Variants in SNTG2 observed in about 807,000 individuals in gnomAD.
The protein encoded by SNTG2 is syntrophin gamma 2, also known as gamma-2-syntrophin.
Under a neutral mutation model 70.9 loss-of-function variants are expected in SNTG2, and 74 were observed. The observed-to-expected ratio is 1.04, with a 90% CI of 0.86 to 1.27. The LOEUF is 1.27. Among genes scored for constraint, SNTG2 ranks in the 50% most tolerant of loss-of-function variants. The probability of loss-of-function intolerance (pLI) is 0.00; values close to 1 mark genes in which losing one functional copy is unlikely to be tolerated. For missense variants in SNTG2, 717 were observed against 690.7 expected (o/e 1.04, Z -0.43); for synonymous variants, 278 against 273.8 (o/e 1.02, Z -0.15).
At chr2:1,222,037 GTC>G (rs1280796799) in intron 9 of SNTG2, among the ~76,000 whole-genome samples, 184 of 3,972 alleles carry the variant, frequency 0.046, 68 homozygotes, top group African/African-American at 0.14. Context: ...GCCTATCTCT[GTC>G]TCTCTCTGTC....
At chr2:1,114,029 A>G (rs1391148932) in intron 4 of SNTG2, among the ~76,000 whole-genome samples, 1 of 151,350 alleles carries the variant, frequency 6.6e-6, no homozygotes, top group Non-Finnish European at 1.5e-5. Flanking sequence ...TTTGAGGAGG[A>G]TCGTGTGTAC....
intron 2 of SNTG2, among the ~76,000 whole-genome samples, chr2:1,084,785 A>G (rs1010511753): frequency 6.6e-6 from 1 of 152,162 alleles, no homozygotes; most frequent in African/African-American, 2.4e-5. Context: ...CAGCGCCTTG[A>G]ATGCTGCATC....
intron 15 of SNTG2, 35 bp downstream of exon 15, chr2:1,308,621 T>C: frequency 1.3e-6 from 2 of 1,505,764 alleles, no homozygotes; most frequent in Non-Finnish European, 1.8e-6. Context: ...GCCGCCCCAT[T>C]GCCATGTGCT....
intron 9 of SNTG2, among the ~76,000 whole-genome samples, chr2:1,224,592 G>A (rs1230448213): frequency 1.3e-5 from 2 of 152,220 alleles, no homozygotes; most frequent in East Asian, 1.9e-4. Context: ...CGTGCCCAGC[G>A]TGGGAGGAGG....
At chr2:1,043,014 A>G (rs1415707874) in intron 1 of SNTG2, among the ~76,000 whole-genome samples, 1 of 152,132 alleles carries the variant, frequency 6.6e-6, no homozygotes, top group East Asian at 1.9e-4. Flanking sequence ...CCTTTCCTCT[A>G]CAACTTTGCT....
At chr2:1,183,179 T>C (rs1672029511) in intron 8 of SNTG2, among the ~76,000 whole-genome samples, 1 of 152,232 alleles carries the variant, frequency 6.6e-6, no homozygotes, top group African/African-American at 2.4e-5. Context: ...TATGCAGCAG[T>C]AGACTTTTTT....
chr2:1,340,461 T>C (rs1463498498), intron 16 of SNTG2, among the ~76,000 whole-genome samples: 1 of 152,242 alleles, frequency 6.6e-6, no homozygotes, highest in East Asian at 1.9e-4. Context: ...TTCCAGGTTC[T>C]GTAGAGCTGG....
chr2:1,138,912 G>A (rs370123364), intron 6 of SNTG2, among the ~76,000 whole-genome samples: 28 of 152,288 alleles, frequency 1.8e-4, no homozygotes, highest in African/African-American at 6.5e-4. Flanking sequence ...GCAGGCACAC[G>A]CAGCAGTCTG....
At chr2:1,331,450 G>A (rs947216413) in intron 16 of SNTG2, among the ~76,000 whole-genome samples, 2 of 152,208 alleles carry the variant, frequency 1.3e-5, no homozygotes, top group Admixed American at 6.5e-5. Flanking sequence ...CAACTATCCG[G>A]GGGTGGGGAA....
chr2:1,265,400 A>G (rs962585250), intron 13 of SNTG2, among the ~76,000 whole-genome samples: 3 of 150,584 alleles, frequency 2.0e-5, no homozygotes, highest in Non-Finnish European at 4.4e-5. Context: ...TCATGTGTGC[A>G]CACACATTCT....
chr2:1,022,173 G>T (rs575238531), intron 1 of SNTG2, among the ~76,000 whole-genome samples: 6 of 152,000 alleles, frequency 3.9e-5, no homozygotes, highest in Non-Finnish European at 5.9e-5. Context: ...GCATTTATCC[G>T]AAGGAAAGGA....
At chr2:1,114,177 GT>G (rs1325714970) in intron 4 of SNTG2, among the ~76,000 whole-genome samples, 1 of 142,392 alleles carries the variant, frequency 7.0e-6, no homozygotes, top group African/African-American at 2.7e-5. Context: ...AGGATCGTGT[GT>G]AACTAAGTGA....
At chr2:1,113,942 T>G (rs1426312924) in intron 4 of SNTG2, among the ~76,000 whole-genome samples, 125 of 107,810 alleles carry the variant, frequency 1.2e-3, no homozygotes, top group South Asian at 3.1e-3. Context: ...AGGATCGTGT[T>G]TCCTAAGTGA....
At chr2:1,193,603 G>GAA (rs34513451) in intron 8 of SNTG2, among the ~76,000 whole-genome samples, 6 of 150,570 alleles carry the variant, frequency 4.0e-5, no homozygotes, top group Admixed American at 2.6e-4. Context: ...GAATAAAGAA[G>GAA]AAAAAAAAAC....
chr2:958,452 A>T (rs1283158146), intron 1 of SNTG2, among the ~76,000 whole-genome samples: 1 of 152,182 alleles, frequency 6.6e-6, no homozygotes, highest in Non-Finnish European at 1.5e-5. Context: ...GTACTATGTG[A>T]TATTCTCCAG....
At chr2:1,005,331 G>A (rs992613928) in intron 1 of SNTG2, among the ~76,000 whole-genome samples, 2 of 151,978 alleles carry the variant, frequency 1.3e-5, no homozygotes, top group Admixed American at 1.3e-4. Context: ...TCTGGGTGAC[G>A]AGGACATGTC....
chr2:1,203,238 A>G lies in SNTG2; in HGVS notation c.592-5865A>G, dbSNP rs560772248. ...ATCCTGCAACTGGTGAATTCTTTCA[A>G]ATAAATAATATGTACACTTTTCTAA... On this transcript the variant is annotated intron_variant, in intron 8 of 16. Transcript: ENST00000308624. Among the ~76,000 whole-genome samples, 20 of 152,316 alleles carry G rather than the reference A, an allele frequency of 1.3e-4. No individual in the cohort carries two copies. In the South Asian group the frequency reaches 3.7e-3, roughly 28 times the overall value.
intron 1 of SNTG2, among the ~76,000 whole-genome samples, chr2:1,064,853 A>C (rs1663050134): frequency 6.6e-6 from 1 of 152,210 alleles, no homozygotes; most frequent in South Asian, 2.1e-4. Flanking sequence ...TAAAGGAACA[A>C]GGACTTCAGT....
At chr2:1,179,244 CA>C (rs1299490854) in intron 8 of SNTG2, among the ~76,000 whole-genome samples, 2 of 152,084 alleles carry the variant, frequency 1.3e-5, no homozygotes, top group East Asian at 1.9e-4. Flanking sequence ...TTGATCCTTT[CA>C]AAAAACCAGC....
Sources: allele counts gnomAD v4.1 joint callset (sites outside exome capture counted in the v4.1 genomes callset), GRCh38; gene constraint gnomAD v4.1.1; transcripts MANE v1.5; gene names NCBI Gene and HGNC (gene_info 2026-07-23, HGNC 2026-07-21).